The following NRXN3 variants were observed in gnomAD, a reference collection of about 807,000 sequenced individuals.
The protein encoded by NRXN3 is neurexin 3.
NRXN3 carries 32 observed loss-of-function variants against 137.6 expected under a neutral mutation model. That is an observed-to-expected ratio of 0.23 (90% CI 0.18 to 0.31). The LOEUF is 0.31. Ranked by LOEUF, NRXN3 falls within the 10% of genes least tolerant of loss-of-function variation. The pLI is 1.00. For synonymous variants in NRXN3, 798 were observed against 784.5 expected, an observed-to-expected ratio of 1.02 and a Z score of -0.29; for missense variants, 1,574 against 2,062.5, an observed-to-expected ratio of 0.76 and a Z score of 4.59.
chr14:79,865,884 C>T lies in NRXN3; in HGVS notation c.*3920C>T, dbSNP rs2099417916. Reference sequence around the variant, plus strand: ...AACTCCTTACTTCAAGTGATCCACCCACCTTGGCCTTGCAAAATGCTGGGA... The same window carrying T: ...AACTCCTTACTTCAAGTGATCCACCTACCTTGGCCTTGCAAAATGCTGGGA... On this transcript the variant is annotated 3_prime_UTR_variant, in exon 21 of 21. Transcript: ENST00000335750. The T allele has an allele frequency of 6.6e-6, 1 of 152,152 alleles. No individual in the cohort carries two copies. The highest frequency in any genetic ancestry group is 1.5e-5 in the Non-Finnish European group (1 of 68,030). The allele number at this position is 152,152 out of a possible 1,614,324, so 9.4% of individuals were successfully genotyped here. A position where few individuals can be genotyped will look rare whatever the true frequency, so the allele number is the denominator to read the frequency against.
At chr14:78,253,699 A>T (rs771464246) in intron 2 of NRXN3, among the ~76,000 whole-genome samples, 1 of 152,054 alleles carries the variant, frequency 6.6e-6, no homozygotes, top group Non-Finnish European at 1.5e-5. Flanking sequence ...AAAACCAATC[A>T]TGGGATAATA....
At chr14:79,483,355 G>T (rs775255573) in intron 16 of NRXN3, among the ~76,000 whole-genome samples, 26 of 152,278 alleles carry the variant, frequency 1.7e-4, no homozygotes, top group Admixed American at 5.9e-4. Flanking sequence ...AACATAGACG[G>T]CATGATAGGA....
intron 16 of NRXN3, among the ~76,000 whole-genome samples, chr14:79,501,463 C>T (rs1429235746): frequency 6.6e-6 from 1 of 152,116 alleles, no homozygotes; most frequent in African/African-American, 2.4e-5. Context: ...GAATCATTCA[C>T]TTGATGAAGC....
At chr14:79,781,162 A>G (rs1281289854) in intron 19 of NRXN3, among the ~76,000 whole-genome samples, 1 of 152,036 alleles carries the variant, frequency 6.6e-6, no homozygotes, top group Non-Finnish European at 1.5e-5. Flanking sequence ...TGCTGAAGTT[A>G]TTTTTCCTGG....
chr14:79,318,196 A>G (rs1444276699), intron 15 of NRXN3, among the ~76,000 whole-genome samples: 4 of 152,254 alleles, frequency 2.6e-5, no homozygotes, highest in African/African-American at 9.6e-5. Context: ...TAAATGGTCA[A>G]GCATTTTCAA....
chr14:79,625,815 G>A (rs887973613), intron 16 of NRXN3, among the ~76,000 whole-genome samples: 18 of 152,066 alleles, frequency 1.2e-4, no homozygotes, highest in East Asian at 9.7e-4. Flanking sequence ...GTCTTACACC[G>A]AAGTGTAGCA....
chr14:79,518,079 CATTTTA>C (rs1004454481), intron 16 of NRXN3, among the ~76,000 whole-genome samples: 1 of 151,304 alleles, frequency 6.6e-6, no homozygotes. Context: ...CTAATTTTTG[CATTTTA>C]GCAGAGACAG....
chr14:78,640,777 A>T (rs1266096259), intron 4 of NRXN3, among the ~76,000 whole-genome samples: 1 of 152,218 alleles, frequency 6.6e-6, no homozygotes, highest in Non-Finnish European at 1.5e-5. Flanking sequence ...CAAATAATGG[A>T]TAAATGATTT....
At chr14:79,399,102 C>T (rs186844803) in intron 15 of NRXN3, among the ~76,000 whole-genome samples, 2 of 151,588 alleles carry the variant, frequency 1.3e-5, no homozygotes, top group East Asian at 1.9e-4. Context: ...CCATAGGGCA[C>T]GCCCCTAAAG....
At chr14:78,726,630 A>G (rs2098485097) in intron 8 of NRXN3, among the ~76,000 whole-genome samples, 1 of 147,710 alleles carries the variant, frequency 6.8e-6, no homozygotes, top group East Asian at 2.1e-4. Context: ...CCATCCTGCC[A>G]ACCTCAGCCT....
chr14:78,469,164 G>C (rs1220427656), intron 4 of NRXN3, among the ~76,000 whole-genome samples: 1 of 151,908 alleles, frequency 6.6e-6, no homozygotes, highest in African/African-American at 2.4e-5. Context: ...TAAATTTCTG[G>C]GTAGAAGGCC....
intron 4 of NRXN3, among the ~76,000 whole-genome samples, chr14:78,460,734 T>C (rs2094898643): frequency 6.6e-6 from 1 of 152,212 alleles, no homozygotes; most frequent in South Asian, 2.1e-4. Context: ...TCTGAGATTC[T>C]ATCCCTGTTG....
intron 4 of NRXN3, among the ~76,000 whole-genome samples, chr14:78,312,657 A>T (rs2078109640): frequency 6.6e-6 from 1 of 151,910 alleles, no homozygotes; most frequent in Non-Finnish European, 1.5e-5. Context: ...TTAAAAAACA[A>T]TTTTTTCGGG....
At chr14:79,090,139 A>G (rs538606086) in intron 15 of NRXN3, among the ~76,000 whole-genome samples, 46 of 152,258 alleles carry the variant, frequency 3.0e-4, no homozygotes, top group Non-Finnish European at 5.7e-4. Flanking sequence ...TCTCTTTTTA[A>G]TAATAAGAAA....
At chr14:78,628,703 G>C (rs1000911936) in intron 4 of NRXN3, among the ~76,000 whole-genome samples, 2 of 152,172 alleles carry the variant, frequency 1.3e-5, no homozygotes, top group Admixed American at 6.5e-5. Context: ...TGGTAGTTCT[G>C]CTGTCTTGCC....
chr14:79,540,386 C>T (rs1442846491), intron 16 of NRXN3, among the ~76,000 whole-genome samples: 2 of 151,916 alleles, frequency 1.3e-5, no homozygotes, highest in African/African-American at 2.4e-5. Context: ...GTGTGTTTAG[C>T]GTATTCATCA....
At chr14:78,303,165 G>C (rs1239892951) in intron 4 of NRXN3, among the ~76,000 whole-genome samples, 1 of 152,046 alleles carries the variant, frequency 6.6e-6, no homozygotes, top group East Asian at 1.9e-4. Context: ...TCTTACCTTT[G>C]CTTATTCTGT....
chr14:79,525,633 G>A (rs1667913441), intron 16 of NRXN3, among the ~76,000 whole-genome samples: 1 of 152,180 alleles, frequency 6.6e-6, no homozygotes, highest in South Asian at 2.1e-4. Context: ...CAGCTTGTAA[G>A]TGTTCTGTTT....
chr14:78,441,793 A>C (rs1235413271), intron 4 of NRXN3, among the ~76,000 whole-genome samples: 1 of 152,128 alleles, frequency 6.6e-6, no homozygotes, highest in African/African-American at 2.4e-5. Flanking sequence ...TTTAATGAGA[A>C]GCGTTTATGT....
Sources: gnomAD v4.1 joint callset for allele counts (sites outside exome capture counted in the v4.1 genomes callset) on GRCh38, gnomAD v4.1.1 for gene constraint, MANE v1.5 for transcripts, NCBI Gene and HGNC (gene_info 2026-07-23, HGNC 2026-07-21) for gene names.